The following ATXN7L1 variants were observed in gnomAD, a reference collection of about 807,000 sequenced individuals.
The protein encoded by ATXN7L1 is ataxin-7-like protein 1.
ATXN7L1 carries 15 observed loss-of-function variants against 70.8 expected under a neutral mutation model. The observed-to-expected ratio is 0.21, with a 90% CI of 0.14 to 0.33. The LOEUF (loss-of-function observed/expected upper bound fraction) is 0.33, where lower values mean the gene tolerates loss of function less well. ATXN7L1 is among the 10% of genes least tolerant of loss of function. The pLI is 1.00. For missense variants in ATXN7L1, 975 were observed against 1,097.1 expected (o/e 0.89, Z 1.57); for synonymous variants, 440 against 445.1 (o/e 0.99, Z 0.14).
chr7:105,642,250 C>T (rs537963809), intron 5 of ATXN7L1, among the ~76,000 whole-genome samples: 1 of 152,338 alleles, frequency 6.6e-6, no homozygotes, highest in South Asian at 2.1e-4. Flanking sequence ...AGAGACCGCC[C>T]CAGCACCCTA....
At chr7:105,618,100 G>C in intron 9 of ATXN7L1, 1 of 456,438 alleles carries the variant, frequency 2.2e-6, no homozygotes, top group South Asian at 1.5e-5. Context: ...TTCTGTGCCT[G>C]AGGAGGAAAG....
At chr7:105,873,875 T>C (rs773857954) in intron 2 of ATXN7L1, among the ~76,000 whole-genome samples, 36 of 152,050 alleles carry the variant, frequency 2.4e-4, no homozygotes, top group Non-Finnish European at 4.6e-4. Flanking sequence ...TGCCTGTAAT[T>C]CCAGCACTTC....
At chr7:105,739,272 A>C (rs781448530) in intron 3 of ATXN7L1, among the ~76,000 whole-genome samples, 1 of 152,188 alleles carries the variant, frequency 6.6e-6, no homozygotes, top group Non-Finnish European at 1.5e-5. Flanking sequence ...TTTTAATGGC[A>C]AAAACCACAA....
At chr7:105,814,451 G>T (rs1808896639) in intron 2 of ATXN7L1, among the ~76,000 whole-genome samples, 1 of 151,966 alleles carries the variant, frequency 6.6e-6, no homozygotes. Flanking sequence ...TTTTTTTCCA[G>T]GTTGTATGTC....
chr7:105,676,676 C>G (rs1311448883), intron 3 of ATXN7L1, among the ~76,000 whole-genome samples: 1 of 152,046 alleles, frequency 6.6e-6, no homozygotes, highest in Non-Finnish European at 1.5e-5. Flanking sequence ...TCCGTCTCTA[C>G]TAAAAATACA....
chr7:105,622,545 C>A (rs888940202), intron 8 of ATXN7L1, among the ~76,000 whole-genome samples: 1 of 152,226 alleles, frequency 6.6e-6, no homozygotes, highest in African/African-American at 2.4e-5. Context: ...TCCCACCTCT[C>A]TCTGTCTTTT....
intron 2 of ATXN7L1, chr7:105,820,154 A>AAAAAAAAAAG (rs1809917086): frequency 7.3e-6 from 2 of 272,384 alleles, no homozygotes; most frequent in African/African-American, 4.8e-5. Flanking sequence ...AAAAAAAAAA[A>AAAAAAAAAAG]AGCGTGGGCC....
At chr7:105,645,271 C>T (rs923034117) in intron 4 of ATXN7L1, among the ~76,000 whole-genome samples, 1 of 151,026 alleles carries the variant, frequency 6.6e-6, no homozygotes, top group African/African-American at 2.5e-5. Flanking sequence ...CTTATTTTAC[C>T]ACAATTAAAA....
intron 3 of ATXN7L1, among the ~76,000 whole-genome samples, chr7:105,779,580 T>A (rs930166980): frequency 1.2e-4 from 18 of 152,236 alleles, no homozygotes; most frequent in African/African-American, 4.1e-4. Flanking sequence ...CTAGGGTCCA[T>A]CATAAGGATT....
Position 105,605,474 on chromosome 7 carries a change from G to GT in ATXN7L1, c.*2377dup, listed in dbSNP as rs1491402650. The GT allele has an allele frequency of 1.6e-4, 6 of 37,352 alleles. No homozygotes were observed. The highest frequency in any genetic ancestry group is 2.3e-4 in the African/African-American group (3 of 12,918). The allele number at this position is 37,352 out of a possible 1,614,324, so 2.3% of individuals were successfully genotyped here. On this transcript the variant is annotated 3_prime_UTR_variant, in exon 12 of 12. Coordinates refer to ENST00000419735, the MANE Select transcript of ATXN7L1 (RefSeq NM_020725.2). ...ACAAAGTAAGCAGCATTCGATGAGG[G>GT]TGGGGGGGGGGGTGGGGGCTCTTTA...
chr7:105,717,869 A>T (rs1023887604), intron 3 of ATXN7L1, among the ~76,000 whole-genome samples: 1 of 152,056 alleles, frequency 6.6e-6, no homozygotes, highest in Admixed American at 6.5e-5. Context: ...AGTTTCCTCC[A>T]TTTTGCCTGC....
At chr7:105,851,415 A>G (rs891803543) in intron 2 of ATXN7L1, among the ~76,000 whole-genome samples, 9 of 140,782 alleles carry the variant, frequency 6.4e-5, no homozygotes, top group African/African-American at 2.4e-4. Context: ...GCTAGCATAC[A>G]TATTACCAGT....
intron 8 of ATXN7L1, among the ~76,000 whole-genome samples, chr7:105,623,569 A>C (rs1795239876): frequency 6.6e-6 from 1 of 152,180 alleles, no homozygotes. Flanking sequence ...ACACACACAC[A>C]CGCTCAGTTC....
At chr7:105,772,109 T>C (rs1802098425) in intron 3 of ATXN7L1, among the ~76,000 whole-genome samples, 1 of 141,480 alleles carries the variant, frequency 7.1e-6, no homozygotes, top group Non-Finnish European at 1.5e-5. Context: ...AGTCTCGCTC[T>C]GTCGCCCAGG....
chr7:105,663,053 C>A (rs1333064320), intron 4 of ATXN7L1, among the ~76,000 whole-genome samples: 1 of 152,140 alleles, frequency 6.6e-6, no homozygotes, highest in Non-Finnish European at 1.5e-5. Flanking sequence ...AAATTTGTGC[C>A]CAGGCCAGTG....
intron 2 of ATXN7L1, among the ~76,000 whole-genome samples, chr7:105,848,359 C>G (rs1814374384): frequency 6.6e-6 from 1 of 152,290 alleles, no homozygotes; most frequent in Admixed American, 6.5e-5. Context: ...ACAGCACACT[C>G]TTAGACTCAG....
At chr7:105,868,317 A>T (rs762364619) in intron 2 of ATXN7L1, among the ~76,000 whole-genome samples, 22 of 152,166 alleles carry the variant, frequency 1.4e-4, no homozygotes, top group Non-Finnish European at 2.8e-4. Flanking sequence ...CCCTGAGGGC[A>T]GGCAGGGGTT....
chr7:105,795,105 C>T (rs956735977), intron 2 of ATXN7L1, among the ~76,000 whole-genome samples: 2 of 152,228 alleles, frequency 1.3e-5, no homozygotes, highest in East Asian at 1.9e-4. Context: ...CTGCTTCTCA[C>T]ACCCCCAGGT....
At chr7:105,734,810 G>A (rs1391760531) in intron 3 of ATXN7L1, among the ~76,000 whole-genome samples, 1 of 151,678 alleles carries the variant, frequency 6.6e-6, no homozygotes, top group Non-Finnish European at 1.5e-5. Flanking sequence ...AATAGAGAGA[G>A]AGAGAGAGAG....
Sources: allele counts gnomAD v4.1 joint callset (sites outside exome capture counted in the v4.1 genomes callset), GRCh38; gene constraint gnomAD v4.1.1; transcripts MANE v1.5; gene names NCBI Gene and HGNC (gene_info 2026-07-23, HGNC 2026-07-21).